HIVEP2: variants seen among roughly 807,000 people sequenced by gnomAD.
HIVEP2 encodes transcription factor HIVEP2.
HIVEP2 carries 14 observed loss-of-function variants against 180.7 expected under a neutral mutation model. The ratio of observed to expected loss-of-function variants is 0.08; its 90% CI spans 0.05 to 0.12. The LOEUF (loss-of-function observed/expected upper bound fraction) is 0.12, where lower values mean the gene tolerates loss of function less well. HIVEP2 is among the 10% of genes least tolerant of loss of function. The pLI, the probability that HIVEP2 is intolerant of heterozygous loss-of-function variation, is 1.00. For synonymous variants in HIVEP2, 1,184 were observed against 1,136.4 expected (o/e 1.04, Z -0.84); for missense variants, 2,579 against 3,008.5 (o/e 0.86, Z 3.34).
chr6:142,838,704 C>A (rs973586282), intron 1 of HIVEP2, among the ~76,000 whole-genome samples: 2 of 152,054 alleles, frequency 1.3e-5, no homozygotes, highest in Admixed American at 6.6e-5. Flanking sequence ...CTTCAAGATG[C>A]AGGACAAACT....
rs762818277 is a variant in HIVEP2 at position 142,771,456 on chromosome 6, C to T, written c.3283G>A (p.Gly1095Ser). Reference sequence around the variant, plus strand: ...ACGCTCTGATCCATGCCAACCTCGCCCTGGGAGATTTCTGGGGAGCCACTG... The same window carrying T: ...ACGCTCTGATCCATGCCAACCTCGCTCTGGGAGATTTCTGGGGAGCCACTG... ...SFSGSPEISQ[G>S]EVGMDQSVKQ... The change falls in exon 5 of 10, where the codon GGC becomes AGC. Residue 1095 changes from glycine to serine, a missense_variant. Gly to Ser is a moderately conservative substitution (Grantham distance 56, BLOSUM62 0). Around this residue, in one of 11 missense-constraint regions of HIVEP2, gnomAD observed 523 missense variants for 577.0 expected, o/e 0.91. Coordinates refer to ENST00000367603, the MANE Select transcript of HIVEP2 (RefSeq NM_006734.4). This position sits in a 1 kb window ranked among gnomAD's most constrained non-coding sequence, Gnocchi z 5.4. 6.2e-7 allele frequency: 1 copy of T among 1,613,578 alleles called. No homozygotes were observed. Among genetic ancestry groups the T allele is most frequent in the African/African-American group, 1.3e-5 (1 of 75,052 alleles).
chr6:142,803,402 G>T (rs1028845583), intron 2 of HIVEP2, among the ~76,000 whole-genome samples: 4 of 151,986 alleles, frequency 2.6e-5, no homozygotes, highest in South Asian at 2.1e-4. Context: ...AGTTGCAAAG[G>T]CAAGGCATAT....
chr6:142,887,108 T>G (rs528577782), intron 1 of HIVEP2, among the ~76,000 whole-genome samples: 1 of 152,084 alleles, frequency 6.6e-6, no homozygotes, highest in Non-Finnish European at 1.5e-5. Flanking sequence ...ATCATCCCAC[T>G]CATAAATATT....
chr6:142,895,252 C>A (rs139219878), intron 1 of HIVEP2, among the ~76,000 whole-genome samples: 1 of 152,106 alleles, frequency 6.6e-6, no homozygotes, highest in African/African-American at 2.4e-5. Flanking sequence ...TTCTATCTAG[C>A]ATCCACTGAA....
intron 1 of HIVEP2, among the ~76,000 whole-genome samples, chr6:142,910,002 T>C (rs1038885246): frequency 3.3e-5 from 5 of 152,218 alleles, no homozygotes; most frequent in African/African-American, 9.6e-5. Context: ...GTGATTACAT[T>C]TGCAGTCAAC....
At chr6:142,846,188 G>A (rs1369502499) in intron 1 of HIVEP2, among the ~76,000 whole-genome samples, 1 of 152,126 alleles carries the variant, frequency 6.6e-6, no homozygotes, top group Non-Finnish European at 1.5e-5. Flanking sequence ...CTGGGACGTG[G>A]TAGAGTCTGT....
chr6:142,815,857 T>C (rs147423406), intron 2 of HIVEP2, among the ~76,000 whole-genome samples: 75 of 152,350 alleles, frequency 4.9e-4, no homozygotes, highest in African/African-American at 1.6e-3. Flanking sequence ...CTGCGTCTTA[T>C]AATTCCCTTC....
intron 9 of HIVEP2, among the ~76,000 whole-genome samples, chr6:142,755,930 G>A (rs1319882732): frequency 6.6e-6 from 1 of 152,010 alleles, no homozygotes; most frequent in Non-Finnish European, 1.5e-5. Context: ...CTCCCAATAA[G>A]TTTTCTCTAC....
intron 2 of HIVEP2, among the ~76,000 whole-genome samples, chr6:142,789,455 A>G (rs1231866510): frequency 2.0e-5 from 3 of 152,262 alleles, no homozygotes; most frequent in Non-Finnish European, 4.4e-5. Flanking sequence ...AGGAGCAAAT[A>G]TATGACTACA....
intron 2 of HIVEP2, among the ~76,000 whole-genome samples, chr6:142,816,465 C>T (rs1301334737): frequency 2.6e-5 from 4 of 152,192 alleles, no homozygotes; most frequent in Non-Finnish European, 5.9e-5. Context: ...ACCTCCTCAT[C>T]ACTCAACTCA....
chr6:142,806,458 G>A (rs975119652), intron 2 of HIVEP2, among the ~76,000 whole-genome samples: 2 of 152,118 alleles, frequency 1.3e-5, no homozygotes, highest in African/African-American at 4.8e-5. Context: ...GAGCAAAGGG[G>A]AGAACTATTA....
chr6:142,895,074 T>C (rs940428080), intron 1 of HIVEP2, among the ~76,000 whole-genome samples: 2 of 152,224 alleles, frequency 1.3e-5, no homozygotes, highest in Non-Finnish European at 2.9e-5. Context: ...TCCATCACAT[T>C]ACAATTTTAA....
intron 9 of HIVEP2, among the ~76,000 whole-genome samples, chr6:142,755,643 G>A (rs558942601): frequency 6.6e-5 from 10 of 152,294 alleles, no homozygotes; most frequent in Middle Eastern, 3.4e-3. Flanking sequence ...GTCCTATTAC[G>A]TAAACTGACT....
At chr6:142,779,941 T>C (rs755219837) in intron 3 of HIVEP2, among the ~76,000 whole-genome samples, 18 of 152,182 alleles carry the variant, frequency 1.2e-4, no homozygotes, top group South Asian at 2.1e-4. Context: ...AGATACCTCA[T>C]GGTCAGAACA....
intron 1 of HIVEP2, among the ~76,000 whole-genome samples, chr6:142,854,730 T>A (rs535218063): frequency 7.6e-4 from 116 of 152,284 alleles, no homozygotes; most frequent in African/African-American, 2.7e-3. Context: ...CAATGCCACA[T>A]CCTGCTTCTT....
intron 1 of HIVEP2, among the ~76,000 whole-genome samples, chr6:142,904,999 G>A (rs543390488): frequency 5.8e-4 from 89 of 152,198 alleles, no homozygotes; most frequent in South Asian, 5.0e-3. Context: ...TGTTAAAACC[G>A]ACTTAATTAT....
At chr6:142,785,587 C>A (rs1381434969) in intron 2 of HIVEP2, among the ~76,000 whole-genome samples, 5 of 152,136 alleles carry the variant, frequency 3.3e-5, no homozygotes, top group African/African-American at 1.2e-4. Context: ...TCATTCCTAC[C>A]AGCAGTCTCC....
intron 2 of HIVEP2, among the ~76,000 whole-genome samples, chr6:142,826,185 A>C (rs996886899): frequency 3.9e-5 from 6 of 152,252 alleles, no homozygotes; most frequent in Non-Finnish European, 5.9e-5. Context: ...ATCTTATTAC[A>C]TAATTCTTGG....
intron 1 of HIVEP2, among the ~76,000 whole-genome samples, chr6:142,861,599 T>C (rs1056999712): frequency 1.3e-5 from 2 of 152,212 alleles, no homozygotes; most frequent in African/African-American, 4.8e-5. Context: ...GTAATGAGTA[T>C]GAAACAGTAA....
Sources: allele counts gnomAD v4.1 joint callset (sites outside exome capture counted in the v4.1 genomes callset), GRCh38; gene constraint gnomAD v4.1.1; regional missense constraint gnomAD v4.1.1; non-coding constraint Gnocchi (gnomAD v3.1); transcripts MANE v1.5; gene names NCBI Gene and HGNC (gene_info 2026-07-23, HGNC 2026-07-21).